Variants in EMSY observed in about 807,000 individuals in gnomAD.
EMSY encodes BRCA2-interacting transcriptional repressor EMSY.
EMSY carries 26 observed loss-of-function variants against 134.6 expected under a neutral mutation model. The ratio of observed to expected loss-of-function variants is 0.19; its 90% CI spans 0.14 to 0.27. The LOEUF is 0.27. EMSY is among the 10% of genes least tolerant of loss of function. EMSY has a pLI of 1.00. For missense variants in EMSY, 1,305 were observed against 1,611.4 expected, an observed-to-expected ratio of 0.81 and a Z score of 3.26; for synonymous variants, 579 against 577.8, an observed-to-expected ratio of 1.00 and a Z score of -0.03.
At chr11:76,551,749 A>G (rs367767081), downstream of EMSY, 10 of 152,190 alleles carry the variant, frequency 6.6e-5, no homozygotes, top group Admixed American at 1.3e-4. Context: ...TTGGTAAACT[A>G]TGAACTCTCA....
At chr11:76,502,345 G>A (rs565434986) in intron 9 of EMSY, among the ~76,000 whole-genome samples, 17 of 109,552 alleles carry the variant, frequency 1.6e-4, no homozygotes, top group Middle Eastern at 8.5e-3. Context: ...ACTCTACCCC[G>A]TTTACAGATG....
intron 7 of EMSY, among the ~76,000 whole-genome samples, chr11:76,466,961 C>A (rs967057986): frequency 6.6e-6 from 1 of 152,002 alleles, no homozygotes; most frequent in African/African-American, 2.4e-5. Context: ...TAGTTCCTTC[C>A]CTTGCAGGTA....
chr11:76,462,314 T>C (rs916256803), intron 6 of EMSY, among the ~76,000 whole-genome samples: 1 of 152,220 alleles, frequency 6.6e-6, no homozygotes, highest in African/African-American at 2.4e-5. Flanking sequence ...TCATATAATA[T>C]GTAGTTTTAA....
chr11:76,526,722 C>G (rs1950859336), intron 13 of EMSY, 87 bp downstream of exon 14: 1 of 1,258,334 alleles, frequency 7.9e-7, no homozygotes, highest in East Asian at 2.4e-5. Context: ...AGGAAAAGAT[C>G]AGCAATCTTT....
chr11:76,455,791 C>T (rs894968884), intron 4 of EMSY, among the ~76,000 whole-genome samples: 1 of 152,148 alleles, frequency 6.6e-6, no homozygotes, highest in African/African-American at 2.4e-5. Flanking sequence ...CAGAATGTTA[C>T]AGTATTAACG....
chr11:76,488,334 T>C (rs1186190567), intron 8 of EMSY, among the ~76,000 whole-genome samples: 1 of 152,102 alleles, frequency 6.6e-6, no homozygotes, highest in Non-Finnish European at 1.5e-5. Flanking sequence ...GGCGTGGTGG[T>C]GTACACCTGT....
chr11:76,460,931 A>G (rs1389448285), intron 6 of EMSY: 1 of 152,098 alleles, frequency 6.6e-6, no homozygotes, highest in Non-Finnish European at 1.5e-5. Flanking sequence ...CAGAGGTTGC[A>G]GTGAGCCGAG....
chr11:76,446,860 G>T, intron 1 of EMSY, 40 bp from the exon 2 acceptor site: 3 of 1,385,888 alleles, frequency 2.2e-6, no homozygotes, highest in Non-Finnish European at 2.0e-6. Context: ...AATGTACTTT[G>T]GTACTTTGGT....
chr11:76,533,550 A>G (rs528550394), intron 14 of EMSY, among the ~76,000 whole-genome samples: 3 of 152,328 alleles, frequency 2.0e-5, no homozygotes, highest in East Asian at 3.9e-4. Context: ...TGATGGCAGC[A>G]TTAAACAAAC....
chr11:76,461,359 A>T (rs1202164566), intron 6 of EMSY, among the ~76,000 whole-genome samples: 1 of 152,194 alleles, frequency 6.6e-6, no homozygotes, highest in Non-Finnish European at 1.5e-5. Context: ...AAAAGTTAAA[A>T]AATTGAAGGT....
chr11:76,461,438 G>T (rs61894510), intron 6 of EMSY, among the ~76,000 whole-genome samples: 2,380 of 152,268 alleles, frequency 0.016, 40 homozygotes, highest in Middle Eastern at 0.041. Context: ...GCTCTGCAGA[G>T]ATTTTCTATG....
intron 20 of EMSY, among the ~76,000 whole-genome samples, 176 bp downstream of exon 21, chr11:76,546,473 T>C (rs756496211): frequency 6.6e-6 from 1 of 152,146 alleles, no homozygotes; most frequent in Non-Finnish European, 1.5e-5. Context: ...AAATACAAAT[T>C]TATTTATTTT....
chr11:76,470,521 A>AGAAG (rs1948528712), intron 7 of EMSY, among the ~76,000 whole-genome samples: 2 of 152,000 alleles, frequency 1.3e-5, no homozygotes, highest in African/African-American at 4.8e-5. Flanking sequence ...AACAAATCCT[A>AGAAG]TTCTCTCTAC....
intron 11 of EMSY, among the ~76,000 whole-genome samples, chr11:76,520,790 T>C (rs1309828563): frequency 8.1e-6 from 1 of 122,890 alleles, no homozygotes; most frequent in Non-Finnish European, 1.8e-5. Context: ...ACAAACTTAG[T>C]GTAAGTTTGT....
chr11:76,542,619 C>T (rs1951481566), intron 18 of EMSY, among the ~76,000 whole-genome samples: 1 of 152,150 alleles, frequency 6.6e-6, no homozygotes, highest in Non-Finnish European at 1.5e-5. Context: ...CTAATGACAT[C>T]AGAATTGGTC....
At chr11:76,449,479 AATGTCTTGATCATCATAAATTCC>A (rs1168238004) in intron 2 of EMSY, among the ~76,000 whole-genome samples, 1 of 152,206 alleles carries the variant, frequency 6.6e-6, no homozygotes, top group East Asian at 1.9e-4. Context: ...TCTCTGAAGT[AATGTCTTGATCATCATAAATTCC>A]ACAGGTCACA....
chr11:76,478,280 C>G (rs1293916920), intron 8 of EMSY, among the ~76,000 whole-genome samples: 2 of 151,924 alleles, frequency 1.3e-5, no homozygotes, highest in Non-Finnish European at 2.9e-5. Context: ...GTAATCCCAC[C>G]ACTATACCAC....
At chr11:76,504,642 CA>C (rs1283358838) in intron 9 of EMSY, among the ~76,000 whole-genome samples, 1 of 152,048 alleles carries the variant, frequency 6.6e-6, no homozygotes, top group Non-Finnish European at 1.5e-5. Context: ...TTAAATTAAA[CA>C]AAGAATTAAC....
At chr11:76,469,863 G>T (rs1396807882) in intron 7 of EMSY, among the ~76,000 whole-genome samples, 1 of 152,114 alleles carries the variant, frequency 6.6e-6, no homozygotes, top group Non-Finnish European at 1.5e-5. Context: ...ATGGTTGATT[G>T]TTGTTTTCTA....
Sources: allele counts gnomAD v4.1 joint callset (sites outside exome capture counted in the v4.1 genomes callset), GRCh38; gene constraint gnomAD v4.1.1; transcripts MANE v1.5; gene names NCBI Gene and HGNC (gene_info 2026-07-23, HGNC 2026-07-21).